The following LMLN variants were observed in gnomAD, a reference collection of about 807,000 sequenced individuals.
LMLN encodes leishmanolysin-like peptidase.
In LMLN, 70 loss-of-function variants were observed where a neutral mutation model predicts 92.3. The ratio of observed to expected loss-of-function variants is 0.76; its 90% CI spans 0.63 to 0.92. The LOEUF (loss-of-function observed/expected upper bound fraction) is 0.92, where lower values mean the gene tolerates loss of function less well. Ranked by LOEUF, LMLN falls within the 40% of genes least tolerant of loss-of-function variation. The pLI is 0.00. For missense variants in LMLN, 691 were observed against 814.6 expected (o/e 0.85, Z 1.85); for synonymous variants, 308 against 296.2 (o/e 1.04, Z -0.41).
intron 11 of LMLN, among the ~76,000 whole-genome samples, chr3:198,017,841 C>T (rs969314465): frequency 1.3e-4 from 20 of 152,080 alleles, no homozygotes; most frequent in East Asian, 3.9e-4. Context: ...TGCTTGAACC[C>T]GGGAGGTGGA....
intron 11 of LMLN, among the ~76,000 whole-genome samples, chr3:198,005,448 C>G (rs1722266693): frequency 6.6e-6 from 1 of 151,936 alleles, no homozygotes; most frequent in African/African-American, 2.4e-5. Flanking sequence ...TGCATATAAC[C>G]TATGTATATC....
intron 11 of LMLN, among the ~76,000 whole-genome samples, chr3:198,010,609 C>T (rs912816792): frequency 8.5e-5 from 13 of 152,096 alleles, no homozygotes; most frequent in African/African-American, 3.1e-4. Flanking sequence ...CACCCCCACA[C>T]CCAGCTAAAT....
At chr3:197,967,440 G>T (rs926051726) in intron 1 of LMLN, among the ~76,000 whole-genome samples, 5 of 152,180 alleles carry the variant, frequency 3.3e-5, no homozygotes, top group African/African-American at 1.2e-4. Context: ...AAAAGGGGAG[G>T]GGGTGTACGA....
chr3:198,009,759 G>A (rs1312381571), intron 11 of LMLN, among the ~76,000 whole-genome samples: 1 of 152,144 alleles, frequency 6.6e-6, no homozygotes, highest in Non-Finnish European at 1.5e-5. Flanking sequence ...AAGTTTATGT[G>A]TATAGGGTTT....
chr3:198,027,831 G>A (rs776150406), intron 14 of LMLN, among the ~76,000 whole-genome samples: 14 of 152,212 alleles, frequency 9.2e-5, no homozygotes, highest in African/African-American at 2.4e-4. Flanking sequence ...ACTGGCTTCC[G>A]CGTATCTGTC....
chr3:198,002,856 G>T (rs1402646791), intron 11 of LMLN, among the ~76,000 whole-genome samples, 159 bp from the exon 12 acceptor site: 1 of 152,226 alleles, frequency 6.6e-6, no homozygotes, highest in African/African-American at 2.4e-5. Flanking sequence ...TCCCTGTGCG[G>T]CAAGAACGTT....
At chr3:198,008,095 C>G (rs1722341571) in intron 11 of LMLN, among the ~76,000 whole-genome samples, 1 of 152,054 alleles carries the variant, frequency 6.6e-6, no homozygotes, top group African/African-American at 2.4e-5. Flanking sequence ...TTGGTGATGG[C>G]TTATAATTAT....
chr3:197,991,498 G>C (rs570884204), intron 9 of LMLN, among the ~76,000 whole-genome samples: 5 of 152,098 alleles, frequency 3.3e-5, no homozygotes, highest in Non-Finnish European at 7.4e-5. Context: ...GAGACTCAGG[G>C]GATTGTTGCC....
At chr3:197,975,491 A>G (rs777560209) in intron 3 of LMLN, among the ~76,000 whole-genome samples, 4 of 148,258 alleles carry the variant, frequency 2.7e-5, no homozygotes, top group Non-Finnish European at 5.9e-5. Flanking sequence ...GCACGCATGC[A>G]CACACACGCG....
chr3:197,996,471 A>G, intron 10 of LMLN, 189 bp downstream of exon 10: 1 of 403,442 alleles, frequency 2.5e-6, no homozygotes, highest in Non-Finnish European at 4.4e-6. Context: ...AATGTTATAT[A>G]TGTATGTGTG....
At chr3:197,972,790 G>T (rs1171189686) in intron 1 of LMLN, among the ~76,000 whole-genome samples, 1 of 150,760 alleles carries the variant, frequency 6.6e-6, no homozygotes, top group Non-Finnish European at 1.5e-5. Context: ...TTTATTCTTT[G>T]CTGGGTTTTA....
At chr3:197,976,511 G>A in intron 4 of LMLN, 87 bp from the exon 5 acceptor site, 1 of 649,572 alleles carries the variant, frequency 1.5e-6, no homozygotes, top group Non-Finnish European at 2.7e-6. Flanking sequence ...AAGTAATATA[G>A]CAGCTACCAG....
intron 11 of LMLN, chr3:197,999,658 G>T (rs772836016): frequency 8.2e-6 from 2 of 243,224 alleles, no homozygotes; most frequent in Non-Finnish European, 1.6e-5. Context: ...TTCCTGCGTG[G>T]CTGGGACTAC....
chr3:197,963,882 A>T (rs1720975472), intron 1 of LMLN, among the ~76,000 whole-genome samples: 1 of 152,216 alleles, frequency 6.6e-6, no homozygotes, highest in South Asian at 2.1e-4. Flanking sequence ...GTCTCTGACC[A>T]TTAAGTATGA....
rs560594486 is a variant in LMLN, at chr3:197,979,456, G to C, written c.550-870G>C. Among the ~76,000 whole-genome samples, 3 of 152,154 alleles carry C rather than the reference G, an allele frequency of 2.0e-5. No homozygotes were observed. In the South Asian group the frequency reaches 6.2e-4, roughly 32 times the overall value. ...TGCACTTTGGGAGGCCAAGATGGGG[G>C]TATTGCTTGAGGCCAGGAGTTTGAG... On this transcript the variant is annotated intron_variant, in intron 5 of 15. Transcript: ENST00000330198.
chr3:198,003,155 G>GTGTA, intron 11 of LMLN, 30 bp downstream of exon 12: 1 of 1,240,892 alleles, frequency 8.1e-7, no homozygotes, highest in Non-Finnish European at 1.2e-6. Context: ...CAGTGTCACT[G>GTGTA]ATTACACAGT....
At chr3:197,973,524 A>T (rs988671663) in intron 1 of LMLN, among the ~76,000 whole-genome samples, 1 of 152,144 alleles carries the variant, frequency 6.6e-6, no homozygotes, top group Non-Finnish European at 1.5e-5. Flanking sequence ...TGCTGGGATT[A>T]CAGGCGTGAG....
chr3:198,019,228 C>A lies in LMLN; in HGVS notation c.1233-25C>A. The A allele has an allele frequency of 1.9e-6, 3 of 1,599,156 alleles. No individual in the cohort carries two copies. Among genetic ancestry groups the A allele is most frequent in the Non-Finnish European group, 2.6e-6 (3 of 1,175,052 alleles). ...GCAGTATTTTCTTTAAAGTTTGATA[C>A]CATGGTACTTCTCTTTGTTTGCAGG... On this transcript the variant is annotated intron_variant, in intron 11 of 15. Transcript: ENST00000330198. The surrounding 1 kb of genome is among the most constrained non-coding windows in gnomAD (Gnocchi z 5.5).
chr3:198,006,651 T>C (rs913971819), intron 11 of LMLN, among the ~76,000 whole-genome samples: 1 of 152,216 alleles, frequency 6.6e-6, no homozygotes, highest in Non-Finnish European at 1.5e-5. Flanking sequence ...CGGCTAATGA[T>C]GTTGAACCTC....
Sources: allele counts gnomAD v4.1 joint callset (sites outside exome capture counted in the v4.1 genomes callset), GRCh38; gene constraint gnomAD v4.1.1; non-coding constraint Gnocchi (gnomAD v3.1); transcripts MANE v1.5; gene names NCBI Gene and HGNC (gene_info 2026-07-23, HGNC 2026-07-21).